Variants in PPARGC1A observed in about 807,000 individuals in gnomAD.
The protein encoded by PPARGC1A is PPARG coactivator 1 alpha.
In PPARGC1A, 25 loss-of-function variants were observed where a neutral mutation model predicts 88.7. The ratio of observed to expected loss-of-function variants is 0.28; its 90% CI spans 0.21 to 0.39. The LOEUF is 0.39. PPARGC1A is among the 10% of genes least tolerant of loss of function. The pLI is 1.00. For missense variants in PPARGC1A, 880 were observed against 968.7 expected, an observed-to-expected ratio of 0.91 and a Z score of 1.22; for synonymous variants, 363 against 355.6, an observed-to-expected ratio of 1.02 and a Z score of -0.24.
chr4:24,409,115 T>C, the PPARGC1A span, among the ~76,000 whole-genome samples: 1 of 152,232 alleles, frequency 6.6e-6, no homozygotes, highest in Non-Finnish European at 1.5e-5. Flanking sequence ...GAATATTTTT[T>C]AAATGTTTTA....
At chr4:24,110,771 T>C in the PPARGC1A span, among the ~76,000 whole-genome samples, 4 of 152,320 alleles carry the variant, frequency 2.6e-5, no homozygotes, top group African/African-American at 9.6e-5. Context: ...ACATTCATCA[T>C]CTTAAACTTC....
intron 2 of PPARGC1A, among the ~76,000 whole-genome samples, chr4:23,838,597 G>T (rs986996236): frequency 6.6e-6 from 1 of 152,128 alleles, no homozygotes; most frequent in Non-Finnish European, 1.5e-5. Flanking sequence ...CATATGCCCT[G>T]AGAGTTAGCT....
At chr4:24,290,557 C>T in the PPARGC1A span, among the ~76,000 whole-genome samples, 1 of 152,130 alleles carries the variant, frequency 6.6e-6, no homozygotes, top group African/African-American at 2.4e-5. Context: ...AAGTGCTGAA[C>T]ACGGTGCCAT....
chr4:24,367,499 C>G, the PPARGC1A span, among the ~76,000 whole-genome samples: 3 of 152,254 alleles, frequency 2.0e-5, no homozygotes, highest in Middle Eastern at 3.4e-3. Context: ...TGTGAAGAAT[C>G]TGGTTAACTA....
chr4:24,364,855 A>G, the PPARGC1A span, among the ~76,000 whole-genome samples: 2 of 152,194 alleles, frequency 1.3e-5, no homozygotes, highest in East Asian at 3.9e-4. Context: ...CTCTCAATAA[A>G]TGATAGCTAC....
chr4:24,106,157 T>G, the PPARGC1A span, among the ~76,000 whole-genome samples: 1 of 152,170 alleles, frequency 6.6e-6, no homozygotes, highest in Non-Finnish European at 1.5e-5. Context: ...CAAAAAAAGA[T>G]GCCCGCAGAC....
chr4:24,406,905 A>G, the PPARGC1A span, among the ~76,000 whole-genome samples: 1 of 152,200 alleles, frequency 6.6e-6, no homozygotes, highest in African/African-American at 2.4e-5. Context: ...TCCCTGGAGA[A>G]AGGGAATTGT....
chr4:23,861,898 T>C (rs1382190764), intron 2 of PPARGC1A, among the ~76,000 whole-genome samples: 1 of 152,220 alleles, frequency 6.6e-6, no homozygotes, highest in Non-Finnish European at 1.5e-5. Context: ...CTGAATTTAG[T>C]ATGAAGACAT....
chr4:24,092,416 G>T, the PPARGC1A span, among the ~76,000 whole-genome samples: 1 of 152,088 alleles, frequency 6.6e-6, no homozygotes, highest in African/African-American at 2.4e-5. Context: ...TTATCTAATT[G>T]GTCTAAACTA....
the PPARGC1A span, among the ~76,000 whole-genome samples, chr4:24,066,133 C>G: frequency 1.3e-5 from 2 of 151,974 alleles, no homozygotes; most frequent in Non-Finnish European, 1.5e-5. Flanking sequence ...CCGAACACCT[C>G]CCTCACAGGT....
the PPARGC1A span, among the ~76,000 whole-genome samples, chr4:24,419,220 G>A: frequency 6.6e-6 from 1 of 151,672 alleles, no homozygotes; most frequent in Non-Finnish European, 1.5e-5. Flanking sequence ...GAACACCAAA[G>A]AAAAAGGCAC....
intron 2 of PPARGC1A, among the ~76,000 whole-genome samples, chr4:23,863,825 C>G (rs2148724298): frequency 6.6e-6 from 1 of 152,332 alleles, no homozygotes; most frequent in African/African-American, 2.4e-5. Context: ...CAGCTCACTG[C>G]AACCTCTGCC....
At chr4:23,960,458 C>A in the PPARGC1A span, among the ~76,000 whole-genome samples, 1 of 152,094 alleles carries the variant, frequency 6.6e-6, no homozygotes, top group Non-Finnish European at 1.5e-5. Flanking sequence ...AGGTAAATGA[C>A]AACTAGTTTG....
chr4:24,351,392 TC>T, the PPARGC1A span, among the ~76,000 whole-genome samples: 1 of 109,060 alleles, frequency 9.2e-6, no homozygotes, highest in Non-Finnish European at 1.9e-5. Context: ...AGATCCTGTC[TC>T]AAAAAAAAAA....
At chr4:24,392,863 T>C in the PPARGC1A span, among the ~76,000 whole-genome samples, 1 of 152,188 alleles carries the variant, frequency 6.6e-6, no homozygotes, top group Non-Finnish European at 1.5e-5. Context: ...TGCTCGAGTA[T>C]AAAAACTGCA....
the PPARGC1A span, among the ~76,000 whole-genome samples, chr4:24,339,184 G>A: frequency 1.5e-5 from 2 of 134,756 alleles, no homozygotes; most frequent in South Asian, 2.5e-4. Context: ...TGTCTTCAAG[G>A]TTCATCCATG....
the PPARGC1A span, among the ~76,000 whole-genome samples, chr4:23,918,466 A>G: frequency 1.3e-5 from 2 of 152,106 alleles, no homozygotes; most frequent in African/African-American, 2.4e-5. Context: ...AAGTGAGGTC[A>G]CCTCGGCCTC....
the PPARGC1A span, among the ~76,000 whole-genome samples, chr4:24,451,390 C>T: frequency 6.6e-6 from 1 of 152,164 alleles, no homozygotes; most frequent in African/African-American, 2.4e-5. Context: ...AAAACAAGCA[C>T]GACCCTAATG....
the PPARGC1A span, among the ~76,000 whole-genome samples, chr4:24,093,709 G>A: frequency 1.3e-5 from 2 of 152,190 alleles, no homozygotes; most frequent in East Asian, 3.9e-4. Flanking sequence ...TGCATCATCT[G>A]CAATGTAGTT....
Sources: allele counts gnomAD v4.1 joint callset (sites outside exome capture counted in the v4.1 genomes callset), GRCh38; gene constraint gnomAD v4.1.1; transcripts MANE v1.5; gene names NCBI Gene and HGNC (gene_info 2026-07-23, HGNC 2026-07-21).